The following PCDHGA2 variants were observed in gnomAD, a reference collection of about 807,000 sequenced individuals.
PCDHGA2 encodes the protein protocadherin gamma subfamily A, 2.
Under a neutral mutation model 59.2 loss-of-function variants are expected in PCDHGA2, and 40 were observed. The ratio of observed to expected loss-of-function variants is 0.68; its 90% CI spans 0.52 to 0.88. The LOEUF (loss-of-function observed/expected upper bound fraction) is 0.88, where lower values mean the gene tolerates loss of function less well. Ranked by LOEUF, PCDHGA2 falls within the 40% of genes least tolerant of loss-of-function variation. The pLI is 0.00. For missense variants in PCDHGA2, 1,226 were observed against 1,204.0 expected, an observed-to-expected ratio of 1.02 and a Z score of -0.27; for synonymous variants, 560 against 526.0, an observed-to-expected ratio of 1.06 and a Z score of -0.89.
chr5:141,510,272 TA>T (rs546154379), intron 3 of PCDHGA2, among the ~76,000 whole-genome samples: 4,704 of 130,308 alleles, frequency 0.036, 80 homozygotes, highest in South Asian at 0.057. Flanking sequence ...GACTCCATCT[TA>T]AAAAAAAAAA....
chr5:141,389,602 T>G, intron 1 of PCDHGA2: 2 of 1,613,170 alleles, frequency 1.2e-6, no homozygotes, highest in African/African-American at 2.7e-5. Flanking sequence ...TCTGCGCTCT[T>G]CGATATGGTG....
rs558873325 is a variant in PCDHGA2 at position 141,370,852 on chromosome 5, C to G, written c.2424+29457C>G. On this transcript the variant is annotated intron_variant, in intron 1 of 3. Coordinates refer to ENST00000394576, the MANE Select transcript of PCDHGA2 (RefSeq NM_018915.4). ...CTGGCTCTCACTGGAGCCACATTTG[C>G]CCTGGAATCTGCGCAAGATCCTGAT... The G allele has an allele frequency of 2.0e-5, 33 of 1,614,018 alleles. No individual in the cohort carries two copies. In the South Asian group the frequency reaches 3.4e-4, roughly 17 times the overall value.
intron 1 of PCDHGA2, chr5:141,404,026 A>T: frequency 6.2e-7 from 1 of 1,613,874 alleles, no homozygotes; most frequent in Non-Finnish European, 8.5e-7. Context: ...CAGTGAGAGA[A>T]GACGCACCTC....
Position 141,409,702 on chromosome 5 carries a change from G to A in PCDHGA2, c.2424+68307G>A, listed in dbSNP as rs545411022. The A allele has an allele frequency of 2.0e-5, 32 of 1,613,226 alleles. No homozygotes were observed. In the South Asian group the frequency reaches 3.0e-4, roughly 15 times the overall value. On this transcript the variant is annotated intron_variant, in intron 1 of 3. Transcript: ENST00000394576. ...TGGCGAGTGACCTAGAGCCCCTGGC[G>A]GTGTCGTCATACGTGTCAGTGAGCG...
At chr5:141,497,203 G>C (rs750138875) in intron 2 of PCDHGA2, among the ~76,000 whole-genome samples, 3 of 91,718 alleles carry the variant, frequency 3.3e-5, no homozygotes, top group African/African-American at 2.8e-4. Flanking sequence ...AACAATGTGA[G>C]TGTAATGGGG....
At position 141,476,613 on chromosome 5, in the gene PCDHGA2, G is replaced by A; in HGVS notation, c.2425-18194G>A. On this transcript the variant is annotated intron_variant, in intron 1 of 3. Coordinates refer to ENST00000394576, the MANE Select transcript of PCDHGA2 (RefSeq NM_018915.4). This position sits in a 1 kb window ranked among gnomAD's most constrained non-coding sequence, Gnocchi z 7.6. ...AGCGCGCACGATCCCGATGTGGGAA[G>A]CAACTCTTTACAAACCTATGAGCTG... is the stretch of plus-strand genomic sequence containing the variant. 1 of 1,614,266 alleles carries A rather than the reference G, an allele frequency of 6.2e-7. No homozygotes were observed. The highest frequency in any genetic ancestry group is 1.3e-5 in the African/African-American group (1 of 75,078).
intron 1 of PCDHGA2, chr5:141,390,094 T>G: frequency 1.2e-6 from 2 of 1,614,048 alleles, no homozygotes; most frequent in Non-Finnish European, 1.7e-6. Flanking sequence ...GAATCCGTGG[T>G]TCCCCCCAAC....
chr5:141,371,961 G>C lies in PCDHGA2; in HGVS notation c.2424+30566G>C. On this transcript the variant is annotated intron_variant, in intron 1 of 3. Transcript: ENST00000394576. ...GTTCGCGCAGCGAGCCTTCGACCAC[G>C]AGCAGCTGCGTGCCTTCGAGCTCAC... 6.2e-7 allele frequency: 1 copy of C among 1,613,240 alleles called. No individual in the cohort carries two copies. Among genetic ancestry groups the C allele is most frequent in the Admixed American group, 1.7e-5 (1 of 60,006 alleles).
At chr5:141,447,988 A>C (rs1234413003) in intron 1 of PCDHGA2, among the ~76,000 whole-genome samples, 1 of 152,018 alleles carries the variant, frequency 6.6e-6, no homozygotes, top group Non-Finnish European at 1.5e-5. Flanking sequence ...CGGGAGGCTG[A>C]GGCATGAGAA....
intron 1 of PCDHGA2, chr5:141,384,918 C>T: frequency 6.2e-7 from 1 of 1,613,954 alleles, no homozygotes; most frequent in South Asian, 1.1e-5. Context: ...AAGTCTTGGC[C>T]GACCTGGGCA....
chr5:141,459,557 A>G (rs1052669136), intron 1 of PCDHGA2, among the ~76,000 whole-genome samples: 1 of 152,224 alleles, frequency 6.6e-6, no homozygotes, highest in East Asian at 1.9e-4. Context: ...TCTTGGATAA[A>G]TACCCCAAAA....
intron 1 of PCDHGA2, chr5:141,417,729 G>T (rs1175282861): frequency 1.6e-5 from 22 of 1,376,276 alleles, no homozygotes; most frequent in African/African-American, 8.8e-5. Context: ...CGCAGACCTT[G>T]CCCAGCACAC....
At position 141,339,053 on chromosome 5, in the gene PCDHGA2, G is replaced by A. The variant is rs776692593; in HGVS notation, c.82G>A (p.Ala28Thr). Residue 28 changes from alanine to threonine, a missense_variant, in exon 1 of 4, where the codon GCC becomes ACC. Ala to Thr is a moderately conservative substitution (Grantham distance 58). Transcript: ENST00000394576. ...TTTGGCGACCCTGTGGGAGGCCAGGGCCGGGCAGATTCGCTATTCTGTGCG... is the reference window on the plus strand; with the variant it reads ...TTTGGCGACCCTGTGGGAGGCCAGGACCGGGCAGATTCGCTATTCTGTGCG... Reference protein sequence around the residue: ...FLLATLWEARAGQIRYSVREE... With the variant: ...FLLATLWEARTGQIRYSVREE... 6 of 1,611,846 alleles carry A rather than the reference G, an allele frequency of 3.7e-6. No homozygotes were observed. In the Admixed American group the frequency reaches 6.7e-5, roughly 18 times the overall value.
At chr5:141,350,727 A>T (rs751887071) in intron 1 of PCDHGA2, 1 of 1,613,844 alleles carries the variant, frequency 6.2e-7, no homozygotes, top group Non-Finnish European at 8.5e-7. Context: ...TCTGCTCAAG[A>T]TGCAGATGTG....
rs1387677265 is a variant in PCDHGA2 at position 141,486,434 on chromosome 5, T to C, written c.2425-8373T>C. 3 of 1,614,150 alleles carry C rather than the reference T, an allele frequency of 1.9e-6. No homozygotes were observed. The highest frequency in any genetic ancestry group is 2.5e-6 in the Non-Finnish European group (3 of 1,179,986). The stretch of plus-strand genomic sequence containing the variant: ...CTTGGATCGAGAGGCCAAATCTAGC[T>C]ATGACATCATGGTCACTGCTTCTGA... On this transcript the variant is annotated intron_variant, in intron 1 of 3. Coordinates refer to ENST00000394576, the MANE Select transcript of PCDHGA2 (RefSeq NM_018915.4). This position sits in a 1 kb window ranked among gnomAD's most constrained non-coding sequence, Gnocchi z 5.0.
At position 141,359,202 on chromosome 5, in the gene PCDHGA2, T is replaced by A. The variant is rs115467151; in HGVS notation, c.2424+17807T>A. Among the ~76,000 whole-genome samples the A allele has an allele frequency of 3.8e-3, 584 of 152,256 alleles. 6 individuals carry two copies. Among genetic ancestry groups the A allele is most frequent in the African/African-American group, 0.013 (556 of 41,546 alleles). ...AGAAAGCAGAAATAACAAGTGAATG[T>A]TGAGAGACAACTTACATCTGAGGAG... On this transcript the variant is annotated intron_variant, in intron 1 of 3. Transcript: ENST00000394576.
intron 1 of PCDHGA2, chr5:141,389,622 G>A: frequency 6.2e-7 from 1 of 1,612,970 alleles, no homozygotes; most frequent in Non-Finnish European, 8.5e-7. Flanking sequence ...GCCGCACGCT[G>A]CAGAGCCTGG....
chr5:141,462,792 G>C (rs2099046915), intron 1 of PCDHGA2, among the ~76,000 whole-genome samples: 1 of 152,080 alleles, frequency 6.6e-6, no homozygotes, highest in Admixed American at 6.6e-5. Flanking sequence ...TTGCTTATTT[G>C]CATGTCTAAT....
At position 141,408,870 on chromosome 5, in the gene PCDHGA2, G is replaced by C. The variant is rs780987841; in HGVS notation, c.2424+67475G>C. ...TTGGACGGAGGGGACCCACCAAGAAGTGCCACCGCTCACATAGAAATTTCT... is the reference window on the plus strand; with the variant it reads ...TTGGACGGAGGGGACCCACCAAGAACTGCCACCGCTCACATAGAAATTTCT... On this transcript the variant is annotated intron_variant, in intron 1 of 3. Coordinates refer to ENST00000394576, the MANE Select transcript of PCDHGA2 (RefSeq NM_018915.4). The C allele has an allele frequency of 1.2e-6, 2 of 1,613,656 alleles. No homozygotes were observed. Among genetic ancestry groups the C allele is most frequent in the South Asian group, 1.1e-5 (1 of 91,026 alleles).
Sources: allele counts gnomAD v4.1 joint callset (sites outside exome capture counted in the v4.1 genomes callset), GRCh38; gene constraint gnomAD v4.1.1; non-coding constraint Gnocchi (gnomAD v3.1); transcripts MANE v1.5; gene names NCBI Gene and HGNC (gene_info 2026-07-23, HGNC 2026-07-21).